NALF1: variants seen among roughly 807,000 people sequenced by gnomAD.
NALF1 encodes the protein family with sequence similarity 155 member A.
In NALF1, 3 loss-of-function variants were observed where a neutral mutation model predicts 48.4. That is an observed-to-expected ratio of 0.06 (90% confidence interval 0.03 to 0.16). The LOEUF (loss-of-function observed/expected upper bound fraction) is 0.16. Among genes scored for constraint, NALF1 ranks in the 10% least tolerant of loss-of-function variants. The pLI is 1.00. For synonymous variants in NALF1, 262 were observed against 245.7 expected, an observed-to-expected ratio of 1.07 and a Z score of -0.62; for missense variants, 526 against 571.5, an observed-to-expected ratio of 0.92 and a Z score of 0.81.
intron 2 of NALF1, among the ~76,000 whole-genome samples, chr13:107,192,508 C>T (rs1342269088): frequency 1.3e-5 from 2 of 152,162 alleles, no homozygotes; most frequent in African/African-American, 2.4e-5. Flanking sequence ...GAGAATAAAG[C>T]GCTTAAGCAC....
intron 1 of NALF1, among the ~76,000 whole-genome samples, chr13:107,823,848 C>T (rs1319593966): frequency 2.6e-5 from 4 of 152,122 alleles, no homozygotes; most frequent in African/African-American, 9.7e-5. Flanking sequence ...TTTCAGTGCT[C>T]TCATCTGCAC....
chr13:107,782,766 G>A (rs1391603866), intron 1 of NALF1, among the ~76,000 whole-genome samples: 2 of 150,038 alleles, frequency 1.3e-5, no homozygotes, highest in Non-Finnish European at 1.5e-5. Flanking sequence ...GAGGTGAGGA[G>A]CGTCTCTGCC....
At chr13:107,386,766 C>T (rs1405635646) in intron 1 of NALF1, among the ~76,000 whole-genome samples, 5 of 152,116 alleles carry the variant, frequency 3.3e-5, no homozygotes, top group African/African-American at 9.7e-5. Flanking sequence ...CATTCTAGTA[C>T]GTCCACCTGT....
At chr13:107,687,121 T>TA (rs1216056640) in intron 1 of NALF1, among the ~76,000 whole-genome samples, 3 of 152,158 alleles carry the variant, frequency 2.0e-5, no homozygotes, top group Non-Finnish European at 1.5e-5. Flanking sequence ...TATGTAGCCA[T>TA]AAAAAATGAA....
rs79498307 is a variant in NALF1 at position 107,357,478 on chromosome 13, G to A, written c.916-146723C>T. The stretch of plus-strand genomic sequence containing the variant: ...CACAGAGCCAAGCCATATCAATCAC[G>A]TAGAAAGCAATAGCTGCCTTAGGAG... On this transcript the variant is annotated intron_variant, in intron 1 of 2. Coordinates refer to ENST00000375915, the MANE Select transcript of NALF1 (RefSeq NM_001080396.3). 2.2e-3 allele frequency among the ~76,000 whole-genome samples: 339 copies of A among 152,202 alleles called. 2 individuals are homozygous for A. Among genetic ancestry groups the A allele is most frequent in the African/African-American group, 7.8e-3 (322 of 41,520 alleles).
chr13:107,365,048 C>G (rs955106278), intron 1 of NALF1, among the ~76,000 whole-genome samples: 1 of 138,894 alleles, frequency 7.2e-6, no homozygotes, highest in East Asian at 2.4e-4. Flanking sequence ...CTCCTTCTCT[C>G]TCTCCCTCTC....
At chr13:107,275,545 CA>C (rs1881263528) in intron 1 of NALF1, among the ~76,000 whole-genome samples, 1 of 150,418 alleles carries the variant, frequency 6.6e-6, no homozygotes, top group Admixed American at 6.6e-5. Flanking sequence ...ACAGGTTGAG[CA>C]GTGATTTTTT....
At chr13:107,428,402 G>C (rs755651410) in intron 1 of NALF1, among the ~76,000 whole-genome samples, 1 of 152,182 alleles carries the variant, frequency 6.6e-6, no homozygotes, top group African/African-American at 2.4e-5. Flanking sequence ...GCTGCCTTCT[G>C]TATGGGAAAT....
chr13:107,499,867 TTTTA>T (rs1875460801), intron 1 of NALF1, among the ~76,000 whole-genome samples: 1 of 152,190 alleles, frequency 6.6e-6, no homozygotes, highest in Admixed American at 6.5e-5. Context: ...CTAGTACAAT[TTTTA>T]TTTGTTATTT....
At chr13:107,503,275 T>C (rs1040748239) in intron 1 of NALF1, among the ~76,000 whole-genome samples, 2 of 145,884 alleles carry the variant, frequency 1.4e-5, no homozygotes, top group Non-Finnish European at 3.0e-5. Context: ...TAGTACTGCT[T>C]AATAATGTAA....
chr13:107,809,271 C>T (rs926388497), intron 1 of NALF1, among the ~76,000 whole-genome samples: 1 of 151,988 alleles, frequency 6.6e-6, no homozygotes, highest in African/African-American at 2.4e-5. Context: ...GTGGACAAGG[C>T]TGTTTTAACC....
In NALF1 at chr13:107,644,722, A is replaced by G. The variant is rs546592150; in HGVS notation, c.915+220960T>C. ...CTCCAGTAGTATAAGGAAACTGTTC[A>G]TAGGTCTAAAACATGGTCTTAAACA... On this transcript the variant is annotated intron_variant, in intron 1 of 2. Coordinates refer to ENST00000375915, the MANE Select transcript of NALF1 (RefSeq NM_001080396.3). Among the ~76,000 whole-genome samples, 3 of 147,894 alleles carry G rather than the reference A, an allele frequency of 2.0e-5. No homozygotes were observed. The South Asian group carries it at 6.5e-4, about 32-fold the overall frequency.
At position 107,235,360 on chromosome 13, in the gene NALF1, A is replaced by T. The variant is rs190095996; in HGVS notation, c.916-24605T>A. ...TCAACACCTACTTTTCTTTTTTTTT[A>T]AAAAAAGCCATTGCATCCAAATGCA... On this transcript the variant is annotated intron_variant, in intron 1 of 2. Transcript: ENST00000375915. Among the ~76,000 whole-genome samples the T allele has an allele frequency of 1.9e-3, 290 of 151,318 alleles. 4 individuals are homozygous for T. Among genetic ancestry groups the T allele is most frequent in the African/African-American group, 6.3e-3 (261 of 41,366 alleles).
chr13:107,700,297 A>C (rs554718510), intron 1 of NALF1, among the ~76,000 whole-genome samples: 1 of 152,228 alleles, frequency 6.6e-6, no homozygotes, highest in Admixed American at 6.5e-5. Context: ...TACTGTCATA[A>C]AAATAGAAAC....
Position 107,539,166 on chromosome 13 carries a change from A to G in NALF1, c.915+326516T>C, listed in dbSNP as rs74467113. Among the ~76,000 whole-genome samples the G allele has an allele frequency of 8.5e-3, 1,291 of 152,004 alleles. 41 individuals are homozygous for G. Among genetic ancestry groups the G allele is most frequent in the African/African-American group, 0.029 (1,211 of 41,360 alleles). Reference sequence around the variant, plus strand: ...TTGCTCTAACAATGGAATATCACAGACTGGTCAATTTATCAAGAAAATAAG... The same window carrying G: ...TTGCTCTAACAATGGAATATCACAGGCTGGTCAATTTATCAAGAAAATAAG... On this transcript the variant is annotated intron_variant, in intron 1 of 2. Coordinates refer to ENST00000375915, the MANE Select transcript of NALF1 (RefSeq NM_001080396.3).
Position 107,715,213 on chromosome 13 carries a change from T to G in NALF1, c.915+150469A>C, listed in dbSNP as rs117450781. Among the ~76,000 whole-genome samples, 4,202 of 152,144 alleles carry G rather than the reference T, an allele frequency of 0.028. 352 individuals carry two copies. In the East Asian group the frequency reaches 0.32, roughly 12 times the overall value. On this transcript the variant is annotated intron_variant, in intron 1 of 2. Coordinates refer to ENST00000375915, the MANE Select transcript of NALF1 (RefSeq NM_001080396.3). Reference sequence around the variant, plus strand: ...TTCTTTCTTTCTCTCTCTTTCTTTTTTTTTTTGAAACAGAGTTTCACGCTT... The same window carrying G: ...TTCTTTCTTTCTCTCTCTTTCTTTTGTTTTTTGAAACAGAGTTTCACGCTT...
At chr13:107,811,226 A>G (rs1217062269) in intron 1 of NALF1, among the ~76,000 whole-genome samples, 2 of 152,164 alleles carry the variant, frequency 1.3e-5, no homozygotes, top group Non-Finnish European at 2.9e-5. Context: ...ATTAATTGCT[A>G]CTGAAACATA....
chr13:107,224,188 T>C (rs1206089154), intron 1 of NALF1, among the ~76,000 whole-genome samples: 1 of 151,864 alleles, frequency 6.6e-6, no homozygotes, highest in African/African-American at 2.4e-5. Flanking sequence ...TATTTGGAAT[T>C]AAATGGCAGC....
intron 1 of NALF1, among the ~76,000 whole-genome samples, chr13:107,524,987 C>T (rs1876383971): frequency 2.0e-5 from 3 of 152,012 alleles, no homozygotes; most frequent in African/African-American, 7.2e-5. Context: ...ACATAGAGAG[C>T]TTCCAAGCTT....
Sources: gnomAD v4.1 joint callset for allele counts (sites outside exome capture counted in the v4.1 genomes callset) on GRCh38, gnomAD v4.1.1 for gene constraint, MANE v1.5 for transcripts, NCBI Gene and HGNC (gene_info 2026-07-23, HGNC 2026-07-21) for gene names.